The following TAFA2 variants were observed in gnomAD, a reference collection of about 807,000 sequenced individuals.
TAFA2 encodes the protein TAFA chemokine like family member 2, also known as chemokine-like protein TAFA-2.
In TAFA2, 7 loss-of-function variants were observed where a neutral mutation model predicts 18.8. The observed-to-expected ratio is 0.37, with a 90% CI of 0.21 to 0.70. TAFA2 has a LOEUF of 0.70. TAFA2 is among the 30% of genes least tolerant of loss of function. The pLI, the probability that TAFA2 is intolerant of heterozygous loss-of-function variation, is 0.53. For missense variants in TAFA2, 122 were observed against 158.1 expected, an observed-to-expected ratio of 0.77 and a Z score of 1.23; for synonymous variants, 60 against 54.2, an observed-to-expected ratio of 1.11 and a Z score of -0.47.
At chr12:61,941,156 A>G (rs2121420726) in intron 1 of TAFA2, among the ~76,000 whole-genome samples, 1 of 152,326 alleles carries the variant, frequency 6.6e-6, no homozygotes, top group African/African-American at 2.4e-5. Flanking sequence ...TGAACTAGAT[A>G]TATTGTTACC....
intron 1 of TAFA2, among the ~76,000 whole-genome samples, chr12:62,168,313 C>T (rs753580244): frequency 2.6e-5 from 4 of 152,128 alleles, no homozygotes; most frequent in African/African-American, 9.7e-5. Context: ...TATACACCAC[C>T]ACCTATGAAA....
Position 62,236,272 on chromosome 12 carries a change from C to CT in TAFA2, c.-130+22490dup, listed in dbSNP as rs58214265. 9.1e-3 allele frequency among the ~76,000 whole-genome samples: 1,097 copies of CT among 120,644 alleles called. 13 individuals are homozygous for CT. Among genetic ancestry groups the CT allele is most frequent in the African/African-American group, 0.027 (968 of 35,828 alleles). 79.1% of individuals were successfully genotyped at this position (120,644 alleles called of 152,430 possible). ...CAAATGTTTTTTTTCTTTTTTTTTTCTTTTTTTTTTTTGAGCCAGTCTCAC... is the reference window on the plus strand; with the variant it reads ...CAAATGTTTTTTTTCTTTTTTTTTTCTTTTTTTTTTTTTGAGCCAGTCTCAC... On this transcript the variant is annotated intron_variant, in intron 1 of 5. Coordinates refer to the TAFA2 transcript ENST00000551619.
At chr12:61,771,009 C>G (rs950205983) in intron 2 of TAFA2, among the ~76,000 whole-genome samples, 4 of 151,980 alleles carry the variant, frequency 2.6e-5, no homozygotes, top group African/African-American at 9.7e-5. Flanking sequence ...ACTCATCTAA[C>G]ACATAAGGAC....
At chr12:61,822,695 T>C (rs1336705757) in intron 2 of TAFA2, among the ~76,000 whole-genome samples, 1 of 152,196 alleles carries the variant, frequency 6.6e-6, no homozygotes, top group African/African-American at 2.4e-5. Flanking sequence ...TGATGGTTTT[T>C]GTTTATGTTT....
intron 2 of TAFA2, among the ~76,000 whole-genome samples, chr12:61,854,461 T>C (rs1241002601): frequency 6.6e-6 from 1 of 151,920 alleles, no homozygotes; most frequent in Non-Finnish European, 1.5e-5. Context: ...TTTTCACAAC[T>C]GGAGGATATG....
At chr12:61,732,583 C>A (rs1370044443) in intron 4 of TAFA2, among the ~76,000 whole-genome samples, 1 of 151,942 alleles carries the variant, frequency 6.6e-6, no homozygotes, top group East Asian at 1.9e-4. Flanking sequence ...ACAATGCAGA[C>A]CTCTATTTAT....
chr12:62,216,157 A>G (rs370276808), intron 1 of TAFA2, among the ~76,000 whole-genome samples: 20 of 152,210 alleles, frequency 1.3e-4, no homozygotes, highest in African/African-American at 4.8e-4. Flanking sequence ...GGGTAAAGTA[A>G]CAAATGGAGT....
chr12:61,709,055 T>C lies in TAFA2; in HGVS notation c.*1351A>G, dbSNP rs1430758513. 3 of 152,546 alleles carry C rather than the reference T, an allele frequency of 2.0e-5. No individual in the cohort carries two copies. The highest frequency in any genetic ancestry group is 3.8e-4 in the East Asian group (2 of 5,196). The allele number at this position is 152,546 out of a possible 1,614,324, so 9.4% of individuals were successfully genotyped here. ...CTTCTCCTTGCATTCCTTCAAACTA[T>C]AGGTTTACACAATATTGTTACAGAA... On this transcript the variant is annotated 3_prime_UTR_variant, in exon 5 of 5. Transcript: ENST00000416284.
intron 4 of TAFA2, among the ~76,000 whole-genome samples, chr12:61,743,535 A>T (rs1868555494): frequency 6.6e-6 from 1 of 152,078 alleles, no homozygotes; most frequent in Non-Finnish European, 1.5e-5. Context: ...CCCCATTAAA[A>T]GTTGGTATCC....
intron 1 of TAFA2, among the ~76,000 whole-genome samples, chr12:62,130,680 T>C (rs1870646702): frequency 6.6e-6 from 1 of 151,990 alleles, no homozygotes; most frequent in Non-Finnish European, 1.5e-5. Flanking sequence ...TTTCCACACA[T>C]AGATCTATAT....
intron 1 of TAFA2, among the ~76,000 whole-genome samples, chr12:62,079,656 T>C (rs1435707124): frequency 6.7e-6 from 1 of 148,840 alleles, no homozygotes; most frequent in Non-Finnish European, 1.5e-5. Context: ...AGAGCAAGAC[T>C]CTGTCTCAAA....
At chr12:62,241,148 T>C (rs1250835897) in intron 1 of TAFA2, among the ~76,000 whole-genome samples, 3 of 152,094 alleles carry the variant, frequency 2.0e-5, no homozygotes, top group Non-Finnish European at 2.9e-5. Flanking sequence ...CACAGAACAG[T>C]AGAACTCATT....
intron 1 of TAFA2, among the ~76,000 whole-genome samples, chr12:61,941,645 C>T (rs12309224): frequency 0.071 from 10,779 of 152,208 alleles, 1,233 homozygotes; most frequent in African/African-American, 0.24. Flanking sequence ...ACCTGGGAAG[C>T]GCAAGGGGTC....
At chr12:62,131,332 A>G (rs1349016884) in intron 1 of TAFA2, among the ~76,000 whole-genome samples, 1 of 152,060 alleles carries the variant, frequency 6.6e-6, no homozygotes, top group African/African-American at 2.4e-5. Context: ...CTACGCACTT[A>G]ACCTTACCCA....
intron 1 of TAFA2, among the ~76,000 whole-genome samples, chr12:62,042,727 C>G (rs1470296910): frequency 2.0e-5 from 3 of 152,064 alleles, no homozygotes; most frequent in Admixed American, 2.0e-4. Context: ...CCCTCCATAT[C>G]ATCAACTGTA....
At chr12:61,917,432 G>C (rs1322497627) in intron 1 of TAFA2, among the ~76,000 whole-genome samples, 1 of 152,068 alleles carries the variant, frequency 6.6e-6, no homozygotes, top group Non-Finnish European at 1.5e-5. Flanking sequence ...GGCTCTGCTT[G>C]ATTATGATCA....
At chr12:61,874,465 G>A (rs2121246513) in intron 1 of TAFA2, among the ~76,000 whole-genome samples, 1 of 152,222 alleles carries the variant, frequency 6.6e-6, no homozygotes, top group Non-Finnish European at 1.5e-5. Context: ...ACAAACACAA[G>A]CCTCATTTAA....
intron 1 of TAFA2, chr12:62,234,636 T>C (rs1445078518): frequency 5.9e-6 from 5 of 845,380 alleles, no homozygotes; most frequent in Non-Finnish European, 1.0e-5. Flanking sequence ...GTGCTTGCAC[T>C]GGTGGCTAAC....
chr12:61,967,020 G>A (rs1044541324), intron 1 of TAFA2, among the ~76,000 whole-genome samples: 3 of 151,746 alleles, frequency 2.0e-5, no homozygotes, highest in African/African-American at 7.3e-5. Flanking sequence ...ATGTTGACCT[G>A]GAGCAAAATA....
Sources: gnomAD v4.1 joint callset for allele counts (sites outside exome capture counted in the v4.1 genomes callset) on GRCh38, gnomAD v4.1.1 for gene constraint, MANE v1.5 for transcripts, NCBI Gene and HGNC (gene_info 2026-07-23, HGNC 2026-07-21) for gene names.